CACNA1C: variants seen among roughly 807,000 people sequenced by gnomAD.
The protein encoded by CACNA1C is voltage-dependent L-type calcium channel subunit alpha-1C.
A neutral mutation model predicts 229.0 loss-of-function variants in CACNA1C; 30 were observed. The ratio of observed to expected loss-of-function variants is 0.13; its 90% CI spans 0.10 to 0.18. The LOEUF (loss-of-function observed/expected upper bound fraction) is 0.18. Among genes scored for constraint, CACNA1C ranks in the 10% least tolerant of loss-of-function variants. The pLI is 1.00. For missense variants in CACNA1C, 1,658 were observed against 2,845.0 expected, an observed-to-expected ratio of 0.58 and a Z score of 9.49; for synonymous variants, 1,114 against 1,132.5, an observed-to-expected ratio of 0.98 and a Z score of 0.33.
intron 3 of CACNA1C, among the ~76,000 whole-genome samples, chr12:2,337,293 C>T (rs1178679604): frequency 1.3e-5 from 2 of 152,196 alleles, no homozygotes; most frequent in Non-Finnish European, 2.9e-5. Flanking sequence ...ACAGACTAGC[C>T]AGGACCATTG....
chr12:2,274,567 T>C (rs1266758819), intron 3 of CACNA1C, among the ~76,000 whole-genome samples: 2 of 151,958 alleles, frequency 1.3e-5, no homozygotes, highest in East Asian at 1.9e-4. Flanking sequence ...AACCAGGGAG[T>C]GGCTTCCCGA....
Position 2,319,566 on chromosome 12 carries a change from G to A in CACNA1C, c.478-129410G>A, listed in dbSNP as rs567724857. ...AGGGTCTCCACTCAGGGGCATTGCC[G>A]GGTGAGCCTGAGATAAGGGTGTAGC... is the stretch of plus-strand genomic sequence containing the variant. On this transcript the variant is annotated intron_variant, in intron 3 of 46. Coordinates refer to ENST00000399655, the MANE Select transcript of CACNA1C (RefSeq NM_000719.7). This position sits in a 1 kb window ranked among gnomAD's most constrained non-coding sequence, Gnocchi z 4.0. 9.9e-5 allele frequency among the ~76,000 whole-genome samples: 15 copies of A among 152,274 alleles called. No individual in the cohort carries two copies. Among genetic ancestry groups the A allele is most frequent in the Middle Eastern group, 3.4e-3 (1 of 294 alleles).
intron 11 of CACNA1C, among the ~76,000 whole-genome samples, chr12:2,559,732 G>A (rs903734699): frequency 6.6e-6 from 1 of 152,192 alleles, no homozygotes; most frequent in Non-Finnish European, 1.5e-5. Flanking sequence ...CAATCACTGT[G>A]CCATCCTTGT....
chr12:2,445,965 T>G (rs550699479), intron 3 of CACNA1C, among the ~76,000 whole-genome samples: 8 of 152,236 alleles, frequency 5.3e-5, no homozygotes, highest in African/African-American at 1.7e-4. Flanking sequence ...AGGGTCACTT[T>G]TTGACAATGC....
chr12:2,158,043 T>C (rs1286569522), intron 3 of CACNA1C, among the ~76,000 whole-genome samples: 4 of 151,920 alleles, frequency 2.6e-5, no homozygotes, highest in African/African-American at 9.7e-5. Flanking sequence ...GTAAAAAAAA[T>C]ATGACCATTA....
intron 9 of CACNA1C, among the ~76,000 whole-genome samples, chr12:2,542,655 T>A (rs1260806189): frequency 6.6e-6 from 1 of 152,188 alleles, no homozygotes; most frequent in Non-Finnish European, 1.5e-5. Context: ...CTGGTGTGCT[T>A]CCAGTTTCAA....
intron 1 of CACNA1C, among the ~76,000 whole-genome samples, chr12:2,069,325 A>G (rs563822211): frequency 2.0e-5 from 3 of 152,358 alleles, no homozygotes; most frequent in African/African-American, 4.8e-5. Flanking sequence ...GGAAATGAAC[A>G]GAAAAGTTAA....
At chr12:2,056,212 TG>T (rs1375669177) in intron 1 of CACNA1C, among the ~76,000 whole-genome samples, 6 of 104,048 alleles carry the variant, frequency 5.8e-5, no homozygotes, top group Non-Finnish European at 1.0e-4. Flanking sequence ...TGTGTGTGTG[TG>T]TGTGTGTGTG....
intron 3 of CACNA1C, among the ~76,000 whole-genome samples, chr12:2,123,657 G>T (rs1321170947): frequency 6.6e-6 from 1 of 152,142 alleles, no homozygotes; most frequent in East Asian, 1.9e-4. Flanking sequence ...TCCCTTGGCC[G>T]GGTTGATGGC....
chr12:2,183,585 C>A (rs941131022), intron 3 of CACNA1C, among the ~76,000 whole-genome samples: 2 of 152,204 alleles, frequency 1.3e-5, no homozygotes, highest in Non-Finnish European at 2.9e-5. Flanking sequence ...GACCCCCCCC[C>A]GGCTTTCATC....
At chr12:2,472,371 T>G (rs2099597971) in intron 5 of CACNA1C, among the ~76,000 whole-genome samples, 1 of 152,192 alleles carries the variant, frequency 6.6e-6, no homozygotes, top group African/African-American at 2.4e-5. Context: ...AGTTGACTCA[T>G]GTTTCCTCTA....
At chr12:2,418,137 TAGAC>T (rs769820416) in intron 3 of CACNA1C, among the ~76,000 whole-genome samples, 5 of 152,148 alleles carry the variant, frequency 3.3e-5, no homozygotes, top group Non-Finnish European at 7.3e-5. Flanking sequence ...CTCAGCTGCA[TAGAC>T]AGATAGGCAG....
At position 2,354,130 on chromosome 12, in the gene CACNA1C, G is replaced by A. The variant is rs2097285981; in HGVS notation, c.478-94846G>A. On this transcript the variant is annotated intron_variant, in intron 3 of 46. Transcript: ENST00000399655. This position sits in a 1 kb window ranked among gnomAD's most constrained non-coding sequence, Gnocchi z 4.6. ...TGCTGATGGGGATGGAGTGGGGGCT[G>A]TCGGGAAGGACTGGATGGAGTCTGT... is the stretch of plus-strand genomic sequence containing the variant. Among the ~76,000 whole-genome samples the A allele has an allele frequency of 6.6e-6, 1 of 152,176 alleles. No individual in the cohort carries two copies. Among genetic ancestry groups the A allele is most frequent in the African/African-American group, 2.4e-5 (1 of 41,448 alleles).
chr12:2,313,446 C>T (rs756340664), intron 3 of CACNA1C, among the ~76,000 whole-genome samples: 6 of 152,224 alleles, frequency 3.9e-5, no homozygotes, highest in South Asian at 2.1e-4. Flanking sequence ...TGGTAGGACA[C>T]GAATCAGCAG....
At chr12:2,586,048 C>T in intron 18 of CACNA1C, 144 bp downstream of exon 18, 1 of 531,702 alleles carries the variant, frequency 1.9e-6, no homozygotes, top group East Asian at 3.1e-5. Flanking sequence ...TGTCTTCTAT[C>T]TCTATATTTA....
chr12:2,519,448 G>A (rs570542272), intron 9 of CACNA1C, among the ~76,000 whole-genome samples: 12 of 152,184 alleles, frequency 7.9e-5, no homozygotes, highest in Non-Finnish European at 1.3e-4. Context: ...TGGCATCACC[G>A]ATGACATCCT....
intron 3 of CACNA1C, among the ~76,000 whole-genome samples, chr12:2,423,514 G>T (rs1026483699): frequency 2.0e-5 from 3 of 152,134 alleles, no homozygotes; most frequent in Middle Eastern, 3.2e-3. Context: ...TAAATGAAAC[G>T]ATTCATGCAA....
intron 4 of CACNA1C, among the ~76,000 whole-genome samples, chr12:2,452,533 C>G (rs1157537852): frequency 6.6e-6 from 1 of 152,178 alleles, no homozygotes; most frequent in Non-Finnish European, 1.5e-5. Flanking sequence ...AGACACAGCT[C>G]CCAGAGCAGT....
In CACNA1C at chr12:2,688,650, T is replaced by C; in HGVS notation, c.5988T>C (p.Ala1996=). 1 of 1,613,812 alleles carries C rather than the reference T, an allele frequency of 6.2e-7. No individual in the cohort carries two copies. ...SFPSIHCGSW[A]ETTPGGGGSS... The stretch of plus-strand genomic sequence containing the variant: ...CATCCATCCACTGCGGCTCCTGGGC[T>C]GAGACCACCCCCGGTGGCGGGGGCA... Residue 1996 remains alanine, a synonymous_variant, in exon 46 of 47, where the codon GCT becomes GCC. Transcript: ENST00000399655.
Sources: allele counts gnomAD v4.1 joint callset (sites outside exome capture counted in the v4.1 genomes callset), GRCh38; gene constraint gnomAD v4.1.1; non-coding constraint Gnocchi (gnomAD v3.1); transcripts MANE v1.5; gene names NCBI Gene and HGNC (gene_info 2026-07-23, HGNC 2026-07-21).